SRC: variants seen among roughly 807,000 people sequenced by gnomAD.
SRC encodes proto-oncogene tyrosine-protein kinase Src.
A neutral mutation model predicts 62.9 loss-of-function variants in SRC; 13 were observed. That is an observed-to-expected ratio of 0.21 (90% CI 0.13 to 0.33). The LOEUF is 0.33. Ranked by LOEUF, SRC falls within the 10% of genes least tolerant of loss-of-function variation. The probability of loss-of-function intolerance (pLI) is 1.00; values close to 1 mark genes in which losing one functional copy is unlikely to be tolerated. For missense variants in SRC, 457 were observed against 737.3 expected (o/e 0.62, Z 4.40); for synonymous variants, 302 against 317.5 (o/e 0.95, Z 0.52).
intron 2 of SRC, among the ~76,000 whole-genome samples, chr20:37,369,274 A>AC (rs2070125104): frequency 6.6e-6 from 1 of 152,220 alleles, no homozygotes; most frequent in East Asian, 1.9e-4. Flanking sequence ...TTGCCATCTT[A>AC]ATAATATTTA....
Position 37,401,647 on chromosome 20 carries a change from G to A in SRC, c.1085G>A (p.Arg362Gln), listed in dbSNP as rs2070739299. 2.5e-6 allele frequency: 4 copies of A among 1,610,052 alleles called. No homozygotes were observed. The highest frequency in any genetic ancestry group is 3.4e-6 in the Non-Finnish European group (4 of 1,178,480). The change falls in exon 11 of 14, where the codon CGG becomes CAG. Residue 362 changes from arginine to glutamine, a missense_variant. Around this residue, in one of 4 missense-constraint regions of SRC, gnomAD observed 168 missense variants for 357.8 expected, o/e 0.47. Transcript: ENST00000373578. The part of the protein sequence containing the change: ...FLKGETGKYL[R>Q]LPQLVDMAAQ... The stretch of plus-strand genomic sequence containing the variant: ...AAGGGGGAGACAGGCAAGTACCTGC[G>A]GCTGCCTCAGCTGGTGGACATGGCT...
At position 37,402,642 on chromosome 20, in the gene SRC, G is replaced by A. The variant is rs904347486; in HGVS notation, c.1270+54G>A. 1.0e-5 allele frequency: 16 copies of A among 1,576,408 alleles called. No homozygotes were observed. Among genetic ancestry groups the A allele is most frequent in the South Asian group, 5.9e-5 (5 of 85,350 alleles). ...CTTGGCCTGGGACAGGTCACGTCCC[G>A]CTCTGAGCCCCAGTTTTTTCCTCAG... is the stretch of plus-strand genomic sequence containing the variant. On this transcript the variant is annotated intron_variant, in intron 12 of 13. Coordinates refer to ENST00000373578, the MANE Select transcript of SRC (RefSeq NM_198291.3). This position sits in a 1 kb window ranked among gnomAD's most constrained non-coding sequence, Gnocchi z 6.2.
Position 37,398,252 on chromosome 20 carries a change from C to T in SRC, c.859+398C>T, listed in dbSNP as rs1012537728. On this transcript the variant is annotated intron_variant, in intron 9 of 13. Coordinates refer to ENST00000373578, the MANE Select transcript of SRC (RefSeq NM_198291.3). This position sits in a 1 kb window ranked among gnomAD's most constrained non-coding sequence, Gnocchi z 5.2. ...GCTGTTCGCCATGGAGAGAGAAGCC[C>T]GGCTCGCAGGAGGGAGTGCTGGGAA... 7.2e-5 allele frequency among the ~76,000 whole-genome samples: 11 copies of T among 152,144 alleles called. No homozygotes were observed. Among genetic ancestry groups the T allele is most frequent in the African/African-American group, 1.2e-4 (5 of 41,412 alleles).
intron 7 of SRC, among the ~76,000 whole-genome samples, chr20:37,395,809 A>G (rs1037628930): frequency 1.3e-5 from 2 of 152,212 alleles, no homozygotes; most frequent in Admixed American, 6.5e-5. Context: ...ATGTGGTTGC[A>G]TGGAATCTCC....
intron 5 of SRC, among the ~76,000 whole-genome samples, chr20:37,389,419 G>T (rs1044669431): frequency 6.6e-6 from 1 of 152,142 alleles, no homozygotes; most frequent in Non-Finnish European, 1.5e-5. Flanking sequence ...GGGGCACCTC[G>T]GGAGTCTAGA....
At chr20:37,356,805 T>C (rs2069889189) in intron 1 of SRC, among the ~76,000 whole-genome samples, 1 of 151,738 alleles carries the variant, frequency 6.6e-6, no homozygotes, top group Admixed American at 6.6e-5. Context: ...GTCTGGACTC[T>C]AGACAGGGGG....
At chr20:37,355,921 T>C (rs976554580) in intron 1 of SRC, among the ~76,000 whole-genome samples, 12 of 152,094 alleles carry the variant, frequency 7.9e-5, no homozygotes, top group African/African-American at 2.9e-4. Flanking sequence ...CCTCAAACCC[T>C]CACAGGGCAC....
chr20:37,383,898 A>ATT lies in SRC; in HGVS notation c.-4-238_-4-237dup, dbSNP rs59004959. ...AGGCGCGTGCCACCATGCCCGGCTA[A>ATT]TTTTTTTTTTTTTTTCAAGTAGAGC... is the stretch of plus-strand genomic sequence containing the variant. On this transcript the variant is annotated intron_variant, in intron 3 of 13. Transcript: ENST00000373578. Among the ~76,000 whole-genome samples, 968 of 139,758 alleles carry ATT rather than the reference A, an allele frequency of 6.9e-3. 3 individuals carry two copies. The highest frequency in any genetic ancestry group is 0.011 in the African/African-American group (423 of 37,788). 91.7% of individuals were successfully genotyped at this position (139,758 alleles called of 152,430 possible). A position where few individuals can be genotyped will look rare whatever the true frequency, so the allele number is the denominator to read the frequency against.
intron 1 of SRC, among the ~76,000 whole-genome samples, chr20:37,357,148 C>T (rs1050889045): frequency 6.6e-6 from 1 of 152,314 alleles, no homozygotes; most frequent in South Asian, 2.1e-4. Context: ...TTGTGGAGGG[C>T]GGATGGAGCT....
chr20:37,377,847 A>T (rs562591889), intron 2 of SRC, among the ~76,000 whole-genome samples: 41 of 152,262 alleles, frequency 2.7e-4, no homozygotes, highest in African/African-American at 9.1e-4. Flanking sequence ...TGAATTTGGA[A>T]TCCTTCCAGA....
At chr20:37,383,623 C>T (rs931921905) in intron 3 of SRC, 5 of 155,176 alleles carry the variant, frequency 3.2e-5, no homozygotes, top group African/African-American at 1.2e-4. Flanking sequence ...CGAGGAAGCC[C>T]TTTACGGATG....
chr20:37,374,981 A>T (rs1200572085), intron 2 of SRC, among the ~76,000 whole-genome samples: 1 of 149,910 alleles, frequency 6.7e-6, no homozygotes, highest in East Asian at 1.9e-4. Context: ...CCCAGGCTGG[A>T]GTGTAGTGCC....
At chr20:37,356,755 G>A (rs1024411722) in intron 1 of SRC, among the ~76,000 whole-genome samples, 4 of 152,140 alleles carry the variant, frequency 2.6e-5, no homozygotes, top group South Asian at 2.1e-4. Context: ...AGGCCTGATT[G>A]CCTCCATAAA....
chr20:37,402,576 A>G lies in SRC; in HGVS notation c.1258A>G (p.Thr420Ala). 6.2e-7 allele frequency: 1 copy of G among 1,612,106 alleles called. No individual in the cohort carries two copies. The highest frequency in any genetic ancestry group is 1.1e-5 in the South Asian group (1 of 90,976). Residue 420 changes from threonine (T) to alanine (A), a missense_variant, in exon 12 of 14, where the codon ACG becomes GCG. By Grantham distance (58) the Thr-to-Ala change is moderately conservative (BLOSUM62 0). This residue lies in a region of SRC where 168 missense variants were observed against 357.8 expected (regional missense o/e 0.47). Coordinates refer to ENST00000373578, the MANE Select transcript of SRC (RefSeq NM_198291.3). This position sits in a 1 kb window ranked among gnomAD's most constrained non-coding sequence, Gnocchi z 6.2. ...TCGGCTCATTGAAGACAATGAGTAC[A>G]CGGCGCGGCAAGGTGGGCAGGGGCT... ...LARLIEDNEYTARQGAKFPIK... is the reference protein window; with the variant it reads ...LARLIEDNEYAARQGAKFPIK...
At chr20:37,361,938 G>A (rs1032329928) in intron 1 of SRC, among the ~76,000 whole-genome samples, 3 of 150,138 alleles carry the variant, frequency 2.0e-5, no homozygotes, top group African/African-American at 7.5e-5. Flanking sequence ...TAGAGATGCC[G>A]GGGTCTCTGT....
Position 37,368,530 on chromosome 20 carries a change from T to TTTGTTTTTTTTTG in SRC, c.-173+3255_-173+3256insGTTTTTTTTTGTT, listed in dbSNP as rs1568625216. ...ATGCCTATATTTTCTTTTTTTTTTT[T>TTTGTTTTTTTTTG]TTTTTTTTTTTTTGTTTTTTTTTTT... On this transcript the variant is annotated intron_variant, in intron 2 of 13. Transcript: ENST00000373578. Among the ~76,000 whole-genome samples the TTTGTTTTTTTTTG allele has an allele frequency of 3.1e-4, 38 of 121,046 alleles. No individual in the cohort carries two copies. The East Asian group carries it at 9.8e-3, about 31-fold the overall frequency. 79.4% of individuals were successfully genotyped at this position (121,046 alleles called of 152,430 possible).
chr20:37,364,490 G>A (rs192107912), intron 1 of SRC, among the ~76,000 whole-genome samples: 85 of 152,242 alleles, frequency 5.6e-4, no homozygotes, highest in Middle Eastern at 3.4e-3. Flanking sequence ...TGTCCACCCC[G>A]TGATGAGGGC....
At chr20:37,400,015 G>A in intron 9 of SRC, 100 bp from the exon 10 acceptor site, 3 of 1,213,512 alleles carry the variant, frequency 2.5e-6, no homozygotes, top group Non-Finnish European at 3.4e-6. Context: ...TGGCTGTGGA[G>A]GCCACAGCTG....
rs539491544 is a variant in SRC, at chr20:37,396,514, C to G, written c.703+203C>G. The G allele has an allele frequency of 1.5e-6, 1 of 670,580 alleles. No individual in the cohort carries two copies. The highest frequency in any genetic ancestry group is 1.8e-5 in the African/African-American group (1 of 55,146). The allele number at this position is 670,580 out of a possible 1,614,324, so 41.5% of individuals were successfully genotyped here. Reference sequence around the variant, plus strand: ...CTTCCTCTTCTTTCCCCCAGCCCCCCTCCTCCCTGTCCCCCTCTCTCCCTG... The same window carrying G: ...CTTCCTCTTCTTTCCCCCAGCCCCCGTCCTCCCTGTCCCCCTCTCTCCCTG... On this transcript the variant is annotated intron_variant, in intron 8 of 13. Transcript: ENST00000373578. This position sits in a 1 kb window ranked among gnomAD's most constrained non-coding sequence, Gnocchi z 6.1.
Sources: allele counts gnomAD v4.1 joint callset (sites outside exome capture counted in the v4.1 genomes callset), GRCh38; gene constraint gnomAD v4.1.1; regional missense constraint gnomAD v4.1.1; non-coding constraint Gnocchi (gnomAD v3.1); transcripts MANE v1.5; gene names NCBI Gene and HGNC (gene_info 2026-07-23, HGNC 2026-07-21).